The following USP32 variants were observed in gnomAD, a reference collection of about 807,000 sequenced individuals.
USP32 encodes the protein ubiquitin specific peptidase 32, also known as ubiquitin carboxyl-terminal hydrolase 32.
USP32 carries 59 observed loss-of-function variants against 204.8 expected under a neutral mutation model. That is an observed-to-expected ratio of 0.29 (90% CI 0.23 to 0.36). The LOEUF (loss-of-function observed/expected upper bound fraction) is 0.36. USP32 is among the 10% of genes least tolerant of loss of function. USP32 has a pLI of 1.00. For missense variants in USP32, 1,160 were observed against 1,946.4 expected (o/e 0.60, Z 7.60); for synonymous variants, 517 against 678.4 (o/e 0.76, Z 3.70).
chr17:60,213,365 A>C (rs1318201751), intron 18 of USP32, among the ~76,000 whole-genome samples: 4 of 152,190 alleles, frequency 2.6e-5, no homozygotes, highest in African/African-American at 9.7e-5. Flanking sequence ...CTAAAAACAG[A>C]ATATTTTCCC....
intron 1 of USP32, among the ~76,000 whole-genome samples, chr17:60,378,904 A>G (rs1409266568): frequency 6.6e-6 from 1 of 152,030 alleles, no homozygotes. Context: ...AAATAGTTCA[A>G]ATGGTAAATG....
At chr17:60,420,727 AATTGTT>A (rs913847862) in intron 1 of USP32, among the ~76,000 whole-genome samples, 4 of 152,210 alleles carry the variant, frequency 2.6e-5, no homozygotes, top group Non-Finnish European at 5.9e-5. Context: ...AGTAAAGCAT[AATTGTT>A]ATTGTTAAAA....
intron 14 of USP32, 36 bp downstream of exon 14, chr17:60,223,375 G>T: frequency 6.4e-7 from 1 of 1,562,276 alleles, no homozygotes; most frequent in South Asian, 1.2e-5. Context: ...TAGCTTGCAA[G>T]AGAATAATTT....
chr17:60,320,160 G>A (rs762867766), intron 2 of USP32, among the ~76,000 whole-genome samples: 1 of 152,108 alleles, frequency 6.6e-6, no homozygotes, highest in Non-Finnish European at 1.5e-5. Flanking sequence ...CTTGGAAACT[G>A]CAACTTCAAA....
chr17:60,330,022 T>G (rs2088342934), intron 2 of USP32, among the ~76,000 whole-genome samples: 1 of 152,174 alleles, frequency 6.6e-6, no homozygotes, highest in African/African-American at 2.4e-5. Context: ...TTCTTTGAAG[T>G]TCTGGGTTGT....
chr17:60,203,363 T>C (rs2084731097), intron 26 of USP32, among the ~76,000 whole-genome samples: 1 of 126,028 alleles, frequency 7.9e-6, no homozygotes, highest in Non-Finnish European at 1.6e-5. Flanking sequence ...ATCACGCCAC[T>C]GCACTCCAGC....
intron 27 of USP32, among the ~76,000 whole-genome samples, chr17:60,197,581 G>C (rs750116164): frequency 1.8e-4 from 28 of 152,122 alleles, no homozygotes; most frequent in Non-Finnish European, 1.8e-4. Context: ...TCCAATCCGG[G>C]CAACAAGAGC....
intron 9 of USP32, among the ~76,000 whole-genome samples, chr17:60,261,377 TG>T (rs1381987715): frequency 6.6e-6 from 1 of 152,188 alleles, no homozygotes; most frequent in Non-Finnish European, 1.5e-5. Context: ...CCAGGCACGG[TG>T]GCTCACACTT....
chr17:60,398,184 C>T (rs768731430), intron 1 of USP32, among the ~76,000 whole-genome samples: 8 of 152,170 alleles, frequency 5.3e-5, no homozygotes, highest in East Asian at 1.9e-4. Flanking sequence ...GGGCAACATA[C>T]GGAGACTCTG....
At chr17:60,415,909 G>A (rs936601142) in intron 1 of USP32, among the ~76,000 whole-genome samples, 14 of 151,766 alleles carry the variant, frequency 9.2e-5, no homozygotes, top group Non-Finnish European at 1.8e-4. Flanking sequence ...GCATGATCTC[G>A]GCTCACTGCA....
intron 26 of USP32, among the ~76,000 whole-genome samples, chr17:60,198,651 G>C (rs2084590365): frequency 1.3e-5 from 2 of 152,230 alleles, no homozygotes; most frequent in Admixed American, 6.5e-5. Context: ...GGTATTGCCA[G>C]TTTTAGAGTT....
At chr17:60,236,291 G>A (rs1240193676) in intron 11 of USP32, 51 bp from the exon 12 acceptor site, 2 of 1,452,868 alleles carry the variant, frequency 1.4e-6, no homozygotes, top group East Asian at 4.6e-5. Context: ...GAAATAGGTG[G>A]CAACGCACAA....
intron 1 of USP32, among the ~76,000 whole-genome samples, chr17:60,349,599 ATAT>A (rs1567867161): frequency 2.6e-4 from 11 of 42,810 alleles, no homozygotes; most frequent in Admixed American, 4.1e-4. Context: ...AAAAAAAAAT[ATAT>A]ATATATATAT....
intron 18 of USP32, among the ~76,000 whole-genome samples, chr17:60,213,134 C>A (rs1472457936): frequency 2.6e-5 from 4 of 152,202 alleles, no homozygotes; most frequent in East Asian, 1.9e-4. Flanking sequence ...TTTTTAATGG[C>A]ATGTGCATGC....
chr17:60,339,856 G>T (rs62082070), intron 2 of USP32, among the ~76,000 whole-genome samples: 33,604 of 152,024 alleles, frequency 0.22, 9,315 homozygotes, highest in African/African-American at 0.65. Flanking sequence ...CAAAAATATC[G>T]TTCCTTGCTC....
chr17:60,192,269 T>C (rs8081937), intron 28 of USP32, among the ~76,000 whole-genome samples: 32,229 of 151,806 alleles, frequency 0.21, 8,464 homozygotes, highest in African/African-American at 0.62. Context: ...CCAGCCTGGG[T>C]GACAGAGCGA....
chr17:60,256,354 GA>G (rs1330608545), intron 9 of USP32, among the ~76,000 whole-genome samples: 1 of 152,112 alleles, frequency 6.6e-6, no homozygotes, highest in African/African-American at 2.4e-5. Flanking sequence ...CTGAATCACA[GA>G]ATCTTTCTTA....
chr17:60,397,302 C>G (rs2089906994), intron 1 of USP32, among the ~76,000 whole-genome samples: 1 of 152,176 alleles, frequency 6.6e-6, no homozygotes, highest in Non-Finnish European at 1.5e-5. Context: ...AGCTGTGTAC[C>G]TTTGGCTTTG....
At chr17:60,329,993 T>C (rs1417749378) in intron 2 of USP32, among the ~76,000 whole-genome samples, 1 of 152,230 alleles carries the variant, frequency 6.6e-6, no homozygotes, top group East Asian at 1.9e-4. Flanking sequence ...TTCACACTGG[T>C]TTAAAATAAT....
Sources: allele counts gnomAD v4.1 joint callset (sites outside exome capture counted in the v4.1 genomes callset), GRCh38; gene constraint gnomAD v4.1.1; transcripts MANE v1.5; gene names NCBI Gene and HGNC (gene_info 2026-07-23, HGNC 2026-07-21).